PIK3R3: variants seen among roughly 807,000 people sequenced by gnomAD.
PIK3R3 encodes phosphatidylinositol 3-kinase regulatory subunit gamma.
PIK3R3 carries 64 observed loss-of-function variants against 62.9 expected under a neutral mutation model. That is an observed-to-expected ratio of 1.02 (90% confidence interval 0.83 to 1.25). The LOEUF is 1.25. Among genes scored for constraint, PIK3R3 ranks in the 50% most tolerant of loss-of-function variants. The pLI is 0.00. For synonymous variants in PIK3R3, 165 were observed against 189.0 expected, an observed-to-expected ratio of 0.87 and a Z score of 1.04; for missense variants, 614 against 561.6, an observed-to-expected ratio of 1.09 and a Z score of -0.94.
chr1:46,070,931 A>G (rs1213393556), intron 3 of PIK3R3, among the ~76,000 whole-genome samples: 1 of 152,182 alleles, frequency 6.6e-6, no homozygotes, highest in African/African-American at 2.4e-5. Context: ...TTTCTACAAC[A>G]AATACTATTT....
At chr1:46,062,150 G>A in intron 5 of PIK3R3, 79 bp from the exon 6 acceptor site, 1 of 1,224,680 alleles carries the variant, frequency 8.2e-7, no homozygotes, top group Non-Finnish European at 1.1e-6. Context: ...AACAAATTTT[G>A]TAATTCCAGT....
At chr1:46,097,757 T>C (rs752816714) in intron 1 of PIK3R3, among the ~76,000 whole-genome samples, 1 of 151,740 alleles carries the variant, frequency 6.6e-6, no homozygotes, top group Non-Finnish European at 1.5e-5. Context: ...GGTGTGGTGG[T>C]GGACGCCTGT....
rs1218358933 is a variant in PIK3R3, at chr1:46,062,013, T to C, written c.680A>G (p.Glu227Gly). 1.2e-6 allele frequency: 2 copies of C among 1,611,910 alleles called. No individual in the cohort carries two copies. The highest frequency in any genetic ancestry group is 2.7e-5 in the African/African-American group (2 of 75,026). The change falls in exon 6 of 10, where the codon GAA becomes GGA. Residue 227 changes from glutamate to glycine, a missense_variant. By Grantham distance (98) the Glu-to-Gly change is moderately conservative. Transcript: ENST00000262741. ...EAFNETIKIFEEQCHTQEQHS... is the reference protein window; with the variant it reads ...EAFNETIKIFGEQCHTQEQHS... Reference sequence around the variant, plus strand: ...TTGTTCTTGTGTGTGACACTGCTCTTCAAATATTTTAATTGTTTCATTAAA... The same window carrying C: ...TTGTTCTTGTGTGTGACACTGCTCTCCAAATATTTTAATTGTTTCATTAAA...
intron 1 of PIK3R3, among the ~76,000 whole-genome samples, chr1:46,099,685 TACAA>T (rs1441757715): frequency 6.6e-6 from 1 of 152,242 alleles, no homozygotes; most frequent in Non-Finnish European, 1.5e-5. Context: ...TTTCTGCTTT[TACAA>T]ACAATGTTGC....
At chr1:46,066,537 G>A (rs1340383243) in intron 4 of PIK3R3, among the ~76,000 whole-genome samples, 1 of 152,174 alleles carries the variant, frequency 6.6e-6, no homozygotes, top group Non-Finnish European at 1.5e-5. Context: ...TCTTAAGTAT[G>A]CACTAGGCGC....
the PIK3R3 span, among the ~76,000 whole-genome samples, chr1:46,169,351 A>G: frequency 2.6e-5 from 4 of 152,100 alleles, no homozygotes; most frequent in African/African-American, 9.7e-5. Flanking sequence ...GATTTATGAA[A>G]ACACCCATCA....
At chr1:46,049,142 CT>C (rs1323393480) in intron 7 of PIK3R3, among the ~76,000 whole-genome samples, 1 of 149,404 alleles carries the variant, frequency 6.7e-6, no homozygotes, top group Non-Finnish European at 1.5e-5. Context: ...ACCCATCTCT[CT>C]TTGGCCCAGC....
chr1:46,097,706 G>A (rs1652271311), intron 1 of PIK3R3, among the ~76,000 whole-genome samples: 1 of 151,944 alleles, frequency 6.6e-6, no homozygotes, highest in Admixed American at 6.6e-5. Flanking sequence ...TGGCCAACAT[G>A]GTGAAACCCC....
chr1:46,153,703 G>A, the PIK3R3 span, among the ~76,000 whole-genome samples: 2 of 152,148 alleles, frequency 1.3e-5, no homozygotes, highest in Non-Finnish European at 2.9e-5. Flanking sequence ...AAGGATGTCT[G>A]TACTCCCCCC....
the PIK3R3 span, among the ~76,000 whole-genome samples, chr1:46,165,456 C>A: frequency 6.6e-6 from 1 of 151,960 alleles, no homozygotes; most frequent in South Asian, 2.1e-4. Flanking sequence ...CAGGCATGTG[C>A]CACCATGCCT....
chr1:46,051,365 A>C (rs1389314345), intron 7 of PIK3R3, among the ~76,000 whole-genome samples: 2 of 151,968 alleles, frequency 1.3e-5, no homozygotes, highest in Non-Finnish European at 2.9e-5. Context: ...GGTTCAAGCA[A>C]TTCTCCTGCC....
chr1:46,067,114 T>C (rs1464081836), intron 3 of PIK3R3, 23 bp from the exon 4 acceptor site: 1 of 1,511,210 alleles, frequency 6.6e-7, no homozygotes, highest in Non-Finnish European at 8.8e-7. Flanking sequence ...AGACAACAAC[T>C]GTGGATTTTT....
At chr1:46,170,133 G>A in the PIK3R3 span, among the ~76,000 whole-genome samples, 1 of 151,858 alleles carries the variant, frequency 6.6e-6, no homozygotes, top group African/African-American at 2.4e-5. Flanking sequence ...TTTTCTGTTC[G>A]GTACCTTTCT....
the PIK3R3 span, among the ~76,000 whole-genome samples, chr1:46,170,773 A>G: frequency 1.3e-5 from 2 of 152,132 alleles, no homozygotes; most frequent in African/African-American, 2.4e-5. Flanking sequence ...CTCAGTGTTC[A>G]TGTGTGGACA....
chr1:46,128,236 A>G (rs942956408), intron 1 of PIK3R3, among the ~76,000 whole-genome samples: 5 of 152,166 alleles, frequency 3.3e-5, no homozygotes, highest in African/African-American at 1.2e-4. Flanking sequence ...GGAGCTCAGG[A>G]CCAGCCTGGC....
At chr1:46,098,164 C>T (rs1352367886) in intron 1 of PIK3R3, among the ~76,000 whole-genome samples, 3 of 152,146 alleles carry the variant, frequency 2.0e-5, no homozygotes, top group African/African-American at 4.8e-5. Context: ...AAAAGATACT[C>T]AGCATCATTA....
chr1:46,139,149 C>G, the PIK3R3 span: 1 of 152,128 alleles, frequency 6.6e-6, no homozygotes, highest in Non-Finnish European at 1.5e-5. Context: ...AAGAACAGTT[C>G]AAAATGACAA....
intron 3 of PIK3R3, among the ~76,000 whole-genome samples, chr1:46,074,783 C>T (rs1649916020): frequency 6.6e-6 from 1 of 152,234 alleles, no homozygotes; most frequent in African/African-American, 2.4e-5. Flanking sequence ...TCTTCCCACA[C>T]ATCCCCATCC....
chr1:46,090,501 T>G (rs1454872854), intron 1 of PIK3R3, among the ~76,000 whole-genome samples: 1 of 151,806 alleles, frequency 6.6e-6, no homozygotes, highest in Admixed American at 6.6e-5. Flanking sequence ...CCGGCTAGTT[T>G]TTTTGTATTT....
Sources: gnomAD v4.1 joint callset for allele counts (sites outside exome capture counted in the v4.1 genomes callset) on GRCh38, gnomAD v4.1.1 for gene constraint, MANE v1.5 for transcripts, NCBI Gene and HGNC (gene_info 2026-07-23, HGNC 2026-07-21) for gene names.